The following KATNAL2 variants were observed in gnomAD, a reference collection of about 807,000 sequenced individuals.
The protein encoded by KATNAL2 is katanin p60 ATPase-containing subunit A-like 2.
In KATNAL2, 52 loss-of-function variants were observed where a neutral mutation model predicts 76.3. The observed-to-expected ratio is 0.68, with a 90% confidence interval of 0.55 to 0.86. The LOEUF is 0.86. Among genes scored for constraint, KATNAL2 ranks in the 40% least tolerant of loss-of-function variants. KATNAL2 has a pLI of 0.00. For synonymous variants in KATNAL2, 243 were observed against 244.2 expected (o/e 1.00, Z 0.05); for missense variants, 660 against 668.9 (o/e 0.99, Z 0.15).
chr18:47,033,408 C>G (rs1247206451), intron 3 of KATNAL2: 1 of 1,614,096 alleles, frequency 6.2e-7, no homozygotes, highest in African/African-American at 1.3e-5. Flanking sequence ...TCATTACTCT[C>G]AGCCGCTGCT....
rs530851042 is a variant in KATNAL2 at position 47,087,359 on chromosome 18, CAT to C, written c.1211+9899_1211+9900del. ...GTGGTACATATATACCATGGAATACCATGCAGCCATAAAAAGAACGAGATGAT... is the reference window on the plus strand; with the variant it reads ...GTGGTACATATATACCATGGAATACCGCAGCCATAAAAAGAACGAGATGAT... On this transcript the variant is annotated intron_variant, in intron 15 of 17. Transcript: ENST00000683218. 1.1e-3 allele frequency among the ~76,000 whole-genome samples: 167 copies of C among 152,174 alleles called. 1 individual carries two copies. Among genetic ancestry groups the C allele is most frequent in the African/African-American group, 3.7e-3 (154 of 41,508 alleles).
At chr18:47,068,373 CTCTT>C (rs1255546453) in intron 11 of KATNAL2, among the ~76,000 whole-genome samples, 1 of 152,216 alleles carries the variant, frequency 6.6e-6, no homozygotes, top group Non-Finnish European at 1.5e-5. Context: ...TCTTTTCCCC[CTCTT>C]TCTTTCTGTG....
intron 10 of KATNAL2, among the ~76,000 whole-genome samples, chr18:47,064,112 G>A (rs1212949410): frequency 1.3e-5 from 2 of 152,108 alleles, no homozygotes; most frequent in Non-Finnish European, 2.9e-5. Context: ...CTCAGCAGTT[G>A]TTTCCTGTAT....
intron 3 of KATNAL2, among the ~76,000 whole-genome samples, chr18:46,961,360 T>C (rs1462910008): frequency 6.6e-6 from 1 of 152,218 alleles, no homozygotes; most frequent in African/African-American, 2.4e-5. Flanking sequence ...TCTCACTTAT[T>C]ATGGGGAGTT....
chr18:46,943,262 G>A (rs779192202), intron 1 of KATNAL2, among the ~76,000 whole-genome samples: 1 of 151,950 alleles, frequency 6.6e-6, no homozygotes, highest in African/African-American at 2.4e-5. Context: ...CAGTAATTTT[G>A]TCAGGCATTT....
chr18:46,946,061 A>T lies in KATNAL2; in HGVS notation c.-505A>T. The T allele has an allele frequency of 3.0e-6, 1 of 335,500 alleles. No individual in the cohort carries two copies. Among genetic ancestry groups the T allele is most frequent in the Non-Finnish European group, 4.3e-6 (1 of 235,290 alleles). 20.8% of individuals were successfully genotyped at this position (335,500 alleles called of 1,614,324 possible). ...AGAACTTTTTTTTTTTTGTAGATTG[A>T]GGAAACTTGAATATTTTTGTATCCT... On this transcript the variant is annotated 5_prime_UTR_variant, in exon 2 of 18. Coordinates refer to ENST00000683218, the MANE Select transcript of KATNAL2 (RefSeq NM_001387690.1).
At chr18:46,933,795 C>T (rs1198491480) in intron 1 of KATNAL2, among the ~76,000 whole-genome samples, 1 of 106,386 alleles carries the variant, frequency 9.4e-6, no homozygotes, top group African/African-American at 3.6e-5. Context: ...TCCCCCCTCC[C>T]CCCACCCCAT....
At chr18:47,078,295 T>C (rs1455508731) in intron 15 of KATNAL2, among the ~76,000 whole-genome samples, 2 of 152,146 alleles carry the variant, frequency 1.3e-5, no homozygotes, top group Non-Finnish European at 2.9e-5. Flanking sequence ...CTGTAGTGCA[T>C]GCTAATTATC....
chr18:46,925,094 C>A (rs956519427), intron 1 of KATNAL2, among the ~76,000 whole-genome samples: 1 of 152,088 alleles, frequency 6.6e-6, no homozygotes, highest in Non-Finnish European at 1.5e-5. Context: ...TGCCTGATTG[C>A]CCTGGCCAGA....
rs1161903395 is a variant in KATNAL2 at position 46,957,553 on chromosome 18, C to CCTTTT, written c.51+10630_51+10631insCTTTT. ...ACAGGCGTGAACCACCGCGCCTGGC[C>CCTTTT]TTTTTTTTTTTTTTTTTTTTTTTTT... On this transcript the variant is annotated intron_variant, in intron 3 of 17. Transcript: ENST00000683218. Among the ~76,000 whole-genome samples, 4 of 60,528 alleles carry CCTTTT rather than the reference C, an allele frequency of 6.6e-5. 2 individuals carry two copies. The highest frequency in any genetic ancestry group is 1.2e-4 in the Non-Finnish European group (4 of 32,084). The allele number at this position is 60,528 out of a possible 152,430, so 39.7% of individuals were successfully genotyped here. A position where few individuals can be genotyped will look rare whatever the true frequency, so the allele number is the denominator to read the frequency against.
At chr18:46,952,264 G>T (rs1459897872) in intron 3 of KATNAL2, among the ~76,000 whole-genome samples, 1 of 151,960 alleles carries the variant, frequency 6.6e-6, no homozygotes, top group Admixed American at 6.5e-5. Flanking sequence ...TGTAGAGACA[G>T]GGATCTCACT....
chr18:46,941,239 T>C (rs1007590211), intron 1 of KATNAL2, among the ~76,000 whole-genome samples: 32 of 151,248 alleles, frequency 2.1e-4, no homozygotes, highest in Admixed American at 1.9e-3. Context: ...GGGGGGCTGC[T>C]GAGGCAGGGG....
At chr18:46,947,043 C>A in intron 3 of KATNAL2, 120 bp downstream of exon 3, 1 of 764,106 alleles carries the variant, frequency 1.3e-6, no homozygotes, top group Non-Finnish European at 2.2e-6. Flanking sequence ...GAAGCGCAAA[C>A]GCAGTGAGAG....
rs1462874983 is a variant in KATNAL2, at chr18:47,059,742, C to T, written c.549+88C>T. The T allele has an allele frequency of 1.0e-5, 10 of 985,192 alleles. No homozygotes were observed. In the South Asian group the frequency reaches 1.2e-4, roughly 12 times the overall value. The allele number at this position is 985,192 out of a possible 1,614,324, so 61.0% of individuals were successfully genotyped here. On this transcript the variant is annotated intron_variant, in intron 8 of 17. Coordinates refer to ENST00000683218, the MANE Select transcript of KATNAL2 (RefSeq NM_001387690.1). ...AACAAAAAACATTATTTTTGTCAAACAGGAAAGTTAAGATGTGATTTTTGA... is the reference window on the plus strand; with the variant it reads ...AACAAAAAACATTATTTTTGTCAAATAGGAAAGTTAAGATGTGATTTTTGA...
chr18:46,933,028 G>T (rs890153049), intron 1 of KATNAL2, among the ~76,000 whole-genome samples: 1 of 152,096 alleles, frequency 6.6e-6, no homozygotes, highest in Non-Finnish European at 1.5e-5. Context: ...CTCCAAAAGT[G>T]CTGGGATTAC....
chr18:47,041,445 A>C (rs1431384653), intron 3 of KATNAL2, among the ~76,000 whole-genome samples: 1 of 152,192 alleles, frequency 6.6e-6, no homozygotes, highest in East Asian at 1.9e-4. Context: ...TCTATTTGGA[A>C]TCATACAGTA....
intron 15 of KATNAL2, among the ~76,000 whole-genome samples, chr18:47,079,683 T>C (rs1366213459): frequency 6.6e-6 from 1 of 152,088 alleles, no homozygotes; most frequent in African/African-American, 2.4e-5. Flanking sequence ...CCACTTGTCA[T>C]TGACTTATTG....
intron 3 of KATNAL2, among the ~76,000 whole-genome samples, chr18:46,955,183 T>TTTCTTTCTTTCTTTCTTTCC (rs1477692403): frequency 1.1e-3 from 169 of 147,546 alleles, no homozygotes; most frequent in Non-Finnish European, 2.0e-3. Context: ...TCTTTCTTTC[T>TTTCTTTCTTTCTTTCTTTCC]TTCCTCTCTC....
At chr18:47,067,520 C>T (rs528274553) in intron 11 of KATNAL2, among the ~76,000 whole-genome samples, 22 of 152,294 alleles carry the variant, frequency 1.4e-4, no homozygotes, top group African/African-American at 5.3e-4. Context: ...CTACCCTCCC[C>T]AGGATCGTCT....
Sources: allele counts gnomAD v4.1 joint callset (sites outside exome capture counted in the v4.1 genomes callset), GRCh38; gene constraint gnomAD v4.1.1; transcripts MANE v1.5; gene names NCBI Gene and HGNC (gene_info 2026-07-23, HGNC 2026-07-21).